COLGALT2: variants seen among roughly 807,000 people sequenced by gnomAD.
COLGALT2 encodes collagen beta(1-O)galactosyltransferase 2.
COLGALT2 carries 49 observed loss-of-function variants against 73.4 expected under a neutral mutation model. The observed-to-expected ratio is 0.67, with a 90% CI of 0.53 to 0.85. The LOEUF is 0.85. Among genes scored for constraint, COLGALT2 ranks in the 40% least tolerant of loss-of-function variants. The probability of loss-of-function intolerance (pLI) is 0.00; values close to 1 mark genes in which losing one functional copy is unlikely to be tolerated. For missense variants in COLGALT2, 722 were observed against 790.2 expected, an observed-to-expected ratio of 0.91 and a Z score of 1.03; for synonymous variants, 295 against 307.6, an observed-to-expected ratio of 0.96 and a Z score of 0.43.
chr1:183,945,172 A>G (rs916882442), intron 9 of COLGALT2, among the ~76,000 whole-genome samples: 3 of 152,236 alleles, frequency 2.0e-5, no homozygotes, highest in African/African-American at 7.2e-5. Context: ...CCTGCTAATG[A>G]TGATAATGAA....
At chr1:184,012,314 AT>A (rs1374211843) in intron 1 of COLGALT2, among the ~76,000 whole-genome samples, 5 of 152,254 alleles carry the variant, frequency 3.3e-5, no homozygotes, top group Admixed American at 6.5e-5. Flanking sequence ...TTATTCAGAG[AT>A]TTTGATAGTC....
At position 183,936,210 on chromosome 1, in the gene COLGALT2, G is replaced by A; in HGVS notation, c.*2551C>T. 1.0e-6 allele frequency: 1 copy of A among 985,450 alleles called. No homozygotes were observed. The highest frequency in any genetic ancestry group is 1.2e-6 in the Non-Finnish European group (1 of 829,924). 61.0% of individuals were successfully genotyped at this position (985,450 alleles called of 1,614,324 possible). Reference sequence around the variant, plus strand: ...TGACGCCCTCACATGACACTGCAAAGGTCAAATGTCAAAGGTCAAATGTCT... The same window carrying A: ...TGACGCCCTCACATGACACTGCAAAAGTCAAATGTCAAAGGTCAAATGTCT... On this transcript the variant is annotated 3_prime_UTR_variant, in exon 12 of 12. Coordinates refer to ENST00000361927, the MANE Select transcript of COLGALT2 (RefSeq NM_015101.4).
chr1:183,989,473 A>G (rs934043944), intron 1 of COLGALT2, among the ~76,000 whole-genome samples: 1 of 152,232 alleles, frequency 6.6e-6, no homozygotes, highest in Admixed American at 6.5e-5. Context: ...TGACAGGAGG[A>G]TCTCCCTGCT....
intron 1 of COLGALT2, among the ~76,000 whole-genome samples, chr1:183,991,402 A>G (rs1671625184): frequency 6.6e-6 from 1 of 152,210 alleles, no homozygotes; most frequent in South Asian, 2.1e-4. Context: ...TTCCCCATTG[A>G]GAAAGCTGGA....
At chr1:183,973,773 T>C (rs1272944314) in intron 3 of COLGALT2, 23 bp from the exon 4 acceptor site, 1 of 1,610,196 alleles carries the variant, frequency 6.2e-7, no homozygotes, top group Non-Finnish European at 8.5e-7. Context: ...AAGGATAATG[T>C]TAGGTGAAAA....
At chr1:183,941,944 C>T (rs368386359) in intron 10 of COLGALT2, among the ~76,000 whole-genome samples, 134 of 149,704 alleles carry the variant, frequency 9.0e-4, no homozygotes, top group African/African-American at 2.8e-3. Flanking sequence ...TTTGGTAGGA[C>T]GACAGTTTAC....
chr1:184,019,484 T>C (rs1649109385), intron 1 of COLGALT2, among the ~76,000 whole-genome samples: 1 of 152,208 alleles, frequency 6.6e-6, no homozygotes. Flanking sequence ...ATGAACTAGA[T>C]TAAATAGAAA....
chr1:184,005,406 G>A (rs960294992), intron 1 of COLGALT2, among the ~76,000 whole-genome samples: 1 of 152,166 alleles, frequency 6.6e-6, no homozygotes, highest in Non-Finnish European at 1.5e-5. Context: ...TTCTTTGCTA[G>A]TGGCAGAAGG....
chr1:183,977,789 T>G (rs1175283413), intron 2 of COLGALT2, among the ~76,000 whole-genome samples: 3 of 106,572 alleles, frequency 2.8e-5, no homozygotes, highest in East Asian at 3.6e-4. Flanking sequence ...GACCCTGTCT[T>G]GAAAGAAAGA....
intron 1 of COLGALT2, among the ~76,000 whole-genome samples, chr1:184,024,434 C>T (rs1649269346): frequency 6.6e-6 from 1 of 151,210 alleles, no homozygotes; most frequent in South Asian, 2.1e-4. Flanking sequence ...CTCACTGCAA[C>T]CTTCATCTCC....
At position 183,938,197 on chromosome 1, in the gene COLGALT2, A is replaced by ATTTT. The variant is rs3841432; in HGVS notation, c.*560_*563dup. 2.2e-6 allele frequency: 2 copies of ATTTT among 894,668 alleles called. No homozygotes were observed. The highest frequency in any genetic ancestry group is 2.6e-6 in the Non-Finnish European group (2 of 773,084). The allele number at this position is 894,668 out of a possible 1,614,324, so 55.4% of individuals were successfully genotyped here. Reference sequence around the variant, plus strand: ...CCCCTACTGGATAACAGGGACTAAGATTTTTTTTTTTTAAAAAATCTACTT... The same window carrying ATTTT: ...CCCCTACTGGATAACAGGGACTAAGATTTTTTTTTTTTTTTTAAAAAATCTACTT... On this transcript the variant is annotated 3_prime_UTR_variant, in exon 12 of 12. Coordinates refer to ENST00000361927, the MANE Select transcript of COLGALT2 (RefSeq NM_015101.4).
At chr1:184,011,945 G>A (rs1424447560) in intron 1 of COLGALT2, among the ~76,000 whole-genome samples, 1 of 152,168 alleles carries the variant, frequency 6.6e-6, no homozygotes, top group African/African-American at 2.4e-5. Flanking sequence ...ATTCATAATT[G>A]TGTAATCTCC....
chr1:183,998,825 T>A (rs1282225274), intron 1 of COLGALT2, among the ~76,000 whole-genome samples: 1 of 152,090 alleles, frequency 6.6e-6, no homozygotes, highest in Non-Finnish European at 1.5e-5. Flanking sequence ...GTTTCTACTA[T>A]AAATAATATT....
chr1:183,998,444 G>T (rs1671827235), intron 1 of COLGALT2, among the ~76,000 whole-genome samples: 1 of 151,938 alleles, frequency 6.6e-6, no homozygotes, highest in African/African-American at 2.4e-5. Flanking sequence ...TTCCTCTGTT[G>T]GTTGCAAAAA....
At chr1:184,000,455 A>G (rs1317919108) in intron 1 of COLGALT2, among the ~76,000 whole-genome samples, 1 of 151,900 alleles carries the variant, frequency 6.6e-6, no homozygotes, top group African/African-American at 2.4e-5. Context: ...TCTCCAAATC[A>G]ATACAAGGAA....
chr1:184,019,928 G>T (rs1649122530), intron 1 of COLGALT2, among the ~76,000 whole-genome samples: 1 of 152,190 alleles, frequency 6.6e-6, no homozygotes, highest in Non-Finnish European at 1.5e-5. Flanking sequence ...ACGCAGTGAT[G>T]CATGCTGTAA....
At chr1:183,959,073 T>C (rs1241507695) in intron 6 of COLGALT2, among the ~76,000 whole-genome samples, 1 of 152,136 alleles carries the variant, frequency 6.6e-6, no homozygotes, top group Non-Finnish European at 1.5e-5. Context: ...GACCTCTCTC[T>C]TGACAGAACC....
At chr1:184,026,567 C>G (rs1408388530) in intron 1 of COLGALT2, among the ~76,000 whole-genome samples, 1 of 152,126 alleles carries the variant, frequency 6.6e-6, no homozygotes, top group Admixed American at 6.5e-5. Context: ...CAGAACAGAA[C>G]TGTGTGAATT....
intron 8 of COLGALT2, among the ~76,000 whole-genome samples, chr1:183,947,982 G>C (rs1158207554): frequency 6.6e-6 from 1 of 152,020 alleles, no homozygotes; most frequent in African/African-American, 2.4e-5. Context: ...CAACAAATTA[G>C]ATAACCTAGA....
Sources: allele counts gnomAD v4.1 joint callset (sites outside exome capture counted in the v4.1 genomes callset), GRCh38; gene constraint gnomAD v4.1.1; transcripts MANE v1.5; gene names NCBI Gene and HGNC (gene_info 2026-07-23, HGNC 2026-07-21).